RBM20: variants seen among roughly 807,000 people sequenced by gnomAD.
The protein encoded by RBM20 is RNA-binding protein 20.
RBM20 carries 51 observed loss-of-function variants against 110.1 expected under a neutral mutation model. The observed-to-expected ratio is 0.46, with a 90% CI of 0.37 to 0.59. The LOEUF (loss-of-function observed/expected upper bound fraction) is 0.59. Among genes scored for constraint, RBM20 ranks in the 20% least tolerant of loss-of-function variants. The pLI is 0.00. For synonymous variants in RBM20, 589 were observed against 618.2 expected, an observed-to-expected ratio of 0.95 and a Z score of 0.70; for missense variants, 1,512 against 1,574.9, an observed-to-expected ratio of 0.96 and a Z score of 0.68.
intron 1 of RBM20, among the ~76,000 whole-genome samples, chr10:110,728,266 C>A (rs1038919600): frequency 1.3e-5 from 2 of 149,374 alleles, no homozygotes; most frequent in Admixed American, 1.3e-4. Context: ...AGGTCTCCAG[C>A]CTCTCTGGAG....
Position 110,758,014 on chromosome 10 carries a change from C to CTTTTTTTTTTTTTTTTTTTT in RBM20, c.192-22782_192-22763dup, listed in dbSNP as rs760246427. On this transcript the variant is annotated intron_variant, in intron 1 of 13. Coordinates refer to ENST00000369519, the MANE Select transcript of RBM20 (RefSeq NM_001134363.3). ...AGAAAAGACAGGCAAGATCCTTGTTCTTTTTTTTTTTTTTTTTTTTTTTTG... is the reference window on the plus strand; with the variant it reads ...AGAAAAGACAGGCAAGATCCTTGTTCTTTTTTTTTTTTTTTTTTTTTTTTTTTTTTTTTTTTTTTTTTTTG... Among the ~76,000 whole-genome samples, 6 of 79,910 alleles carry CTTTTTTTTTTTTTTTTTTTT rather than the reference C, an allele frequency of 7.5e-5. 1 individual carries two copies. The highest frequency in any genetic ancestry group is 2.1e-4 in the African/African-American group (4 of 19,172). 52.4% of individuals were successfully genotyped at this position (79,910 alleles called of 152,430 possible). A position where few individuals can be genotyped will look rare whatever the true frequency, so the allele number is the denominator to read the frequency against.
chr10:110,810,438 G>A lies in RBM20; in HGVS notation c.1856G>A (p.Arg619Lys). 6.4e-7 allele frequency: 1 copy of A among 1,551,552 alleles called. No homozygotes were observed. The highest frequency in any genetic ancestry group is 8.7e-7 in the Non-Finnish European group (1 of 1,146,892). Residue 619 changes from arginine (R) to lysine (K), a missense_variant, in exon 8 of 14, where the codon AGG becomes AAG. Arg to Lys is a conservative substitution (Grantham distance 26). Coordinates refer to ENST00000369519, the MANE Select transcript of RBM20 (RefSeq NM_001134363.3). ...CAGGACATCCATTCCCAGAGGGAGA[G>A]GGACATGTTCCGGGAAGCAGACAGG... ...IIQDIHSQRERDMFREADRYG... is the reference protein window; with the variant it reads ...IIQDIHSQREKDMFREADRYG...
At chr10:110,729,010 T>A (rs1215581552) in intron 1 of RBM20, among the ~76,000 whole-genome samples, 1 of 152,228 alleles carries the variant, frequency 6.6e-6, no homozygotes, top group Non-Finnish European at 1.5e-5. Context: ...CAGAATCATG[T>A]GAACTGAAGC....
intron 1 of RBM20, among the ~76,000 whole-genome samples, chr10:110,674,894 G>GC (rs1160394608): frequency 6.6e-6 from 1 of 152,204 alleles, no homozygotes; most frequent in Non-Finnish European, 1.5e-5. Context: ...CTGTATTATT[G>GC]CCTATGGAGG....
Position 110,806,253 on chromosome 10 carries a change from G to A in RBM20, c.1801-4130G>A, listed in dbSNP as rs1311610055. On this transcript the variant is annotated intron_variant, in intron 7 of 13. Coordinates refer to ENST00000369519, the MANE Select transcript of RBM20 (RefSeq NM_001134363.3). The stretch of plus-strand genomic sequence containing the variant: ...ACTGCACTCCAGCCTGGGACACAGT[G>A]TGAGACTCCGTCTCAAAAAAAAAAA... Among the ~76,000 whole-genome samples the A allele has an allele frequency of 4.8e-5, 7 of 145,156 alleles. No individual in the cohort carries two copies. In the East Asian group the frequency reaches 1.0e-3, roughly 21 times the overall value.
At chr10:110,761,117 AAAAGAG>A (rs1843995489) in intron 1 of RBM20, 2 of 61,376 alleles carry the variant, frequency 3.3e-5, no homozygotes, top group Non-Finnish European at 7.3e-5. Context: ...AAAAAAAAAG[AAAAGAG>A]AAAAGAAAAG....
chr10:110,731,919 A>G (rs1169604791), intron 1 of RBM20, among the ~76,000 whole-genome samples: 2 of 152,136 alleles, frequency 1.3e-5, no homozygotes, highest in African/African-American at 4.8e-5. Context: ...TTACCCTTGC[A>G]TTTGGCATTA....
At chr10:110,740,140 T>A (rs755000301) in intron 1 of RBM20, among the ~76,000 whole-genome samples, 9 of 152,202 alleles carry the variant, frequency 5.9e-5, no homozygotes, top group Non-Finnish European at 1.0e-4. Flanking sequence ...GGCCCCAGGG[T>A]AGCTCGCCCC....
chr10:110,677,022 A>G (rs1409841071), intron 1 of RBM20, among the ~76,000 whole-genome samples: 1 of 152,248 alleles, frequency 6.6e-6, no homozygotes, highest in East Asian at 1.9e-4. Context: ...TAATTTTTAA[A>G]GAAACCAAAA....
chr10:110,671,695 T>A (rs1281175138), intron 1 of RBM20, among the ~76,000 whole-genome samples: 3 of 151,912 alleles, frequency 2.0e-5, no homozygotes, highest in Admixed American at 6.6e-5. Context: ...AAGATTTTTT[T>A]TAAAAAACTA....
Position 110,770,646 on chromosome 10 carries a change from A to C in RBM20, c.192-10155A>C, listed in dbSNP as rs528266960. Among the ~76,000 whole-genome samples, 65 of 152,396 alleles carry C rather than the reference A, an allele frequency of 4.3e-4. 2 individuals are homozygous for C. The South Asian group carries it at 8.5e-3, about 20-fold the overall frequency. On this transcript the variant is annotated intron_variant, in intron 1 of 13. Transcript: ENST00000369519. ...GGTTAATTGTCAGGCAACTCTAGAAAAAGACCAACAGAATTTTAATTCTTT... is the reference window on the plus strand; with the variant it reads ...GGTTAATTGTCAGGCAACTCTAGAACAAGACCAACAGAATTTTAATTCTTT...
chr10:110,653,265 C>T (rs1383563294), intron 1 of RBM20, among the ~76,000 whole-genome samples: 3 of 152,198 alleles, frequency 2.0e-5, no homozygotes, highest in Non-Finnish European at 2.9e-5. Flanking sequence ...CCCCAATTCC[C>T]ACTCTGCTTC....
rs1466741507 is a variant in RBM20, at chr10:110,818,309, C to CAAAAAAAAA, written c.2551-1759_2551-1758insAAAAAAAAA. On this transcript the variant is annotated intron_variant, in intron 9 of 13. Transcript: ENST00000369519. ...TCCATCTCAAAAAAAAAAAAAAAACCAAAACGACAATATGGTGAGGATGTG... is the reference window on the plus strand; with the variant it reads ...TCCATCTCAAAAAAAAAAAAAAAACCAAAAAAAAAAAAACGACAATATGGTGAGGATGTG... 4.8e-4 allele frequency among the ~76,000 whole-genome samples: 57 copies of CAAAAAAAAA among 119,768 alleles called. 6 individuals are homozygous for CAAAAAAAAA. The highest frequency in any genetic ancestry group is 6.8e-4 in the Non-Finnish European group (39 of 57,436). The allele number at this position is 119,768 out of a possible 152,430, so 78.6% of individuals were successfully genotyped here.
At chr10:110,756,728 C>T (rs1338426502) in intron 1 of RBM20, 1 of 152,202 alleles carries the variant, frequency 6.6e-6, no homozygotes, top group Non-Finnish European at 1.5e-5. Context: ...CTGGCTGTCA[C>T]CAGGTCTTAT....
intron 1 of RBM20, among the ~76,000 whole-genome samples, chr10:110,696,070 T>C (rs12413726): frequency 0.19 from 29,376 of 152,132 alleles, 3,045 homozygotes; most frequent in East Asian, 0.34. Context: ...TCAGTCTCCT[T>C]AGTGGGCCCA....
At position 110,724,415 on chromosome 10, in the gene RBM20, G is replaced by T. The variant is rs143531830; in HGVS notation, c.192-56386G>T. ...AATTGTGACTTCTTTGTTGAGAGAG[G>T]AAGTCTGAAGATGTTTCCTGGGGCC... On this transcript the variant is annotated intron_variant, in intron 1 of 13. Coordinates refer to ENST00000369519, the MANE Select transcript of RBM20 (RefSeq NM_001134363.3). 8.5e-5 allele frequency among the ~76,000 whole-genome samples: 13 copies of T among 152,318 alleles called. No individual in the cohort carries two copies. In the East Asian group the frequency reaches 2.3e-3, roughly 27 times the overall value.
intron 9 of RBM20, among the ~76,000 whole-genome samples, chr10:110,815,743 A>G (rs1844829647): frequency 6.6e-6 from 1 of 152,206 alleles, no homozygotes; most frequent in South Asian, 2.1e-4. Flanking sequence ...AACATTGCTC[A>G]TTTAAGGTGA....
In RBM20 at chr10:110,644,567, C is replaced by T. The variant is rs1335624183; in HGVS notation, c.113C>T (p.Pro38Leu). ...GARASPAPSG[P>L]RGMQQPPPPP... is the part of the protein sequence containing the mutation. ...CGGGCGTCCCCGGCACCCTCCGGCC[C>T]GCGAGGGATGCAGCAGCCGCCGCCG... The change falls in exon 1 of 14, where the codon CCG becomes CTG. Residue 38 changes from proline to leucine, a missense_variant. Pro to Leu is a moderately conservative substitution (Grantham distance 98, BLOSUM62 -3). Around this residue, in one of 3 missense-constraint regions of RBM20, gnomAD observed 1,149 missense variants for 1,169.4 expected, o/e 0.98. Coordinates refer to ENST00000369519, the MANE Select transcript of RBM20 (RefSeq NM_001134363.3). This position sits in a 1 kb window ranked among gnomAD's most constrained non-coding sequence, Gnocchi z 4.3. The T allele has an allele frequency of 6.6e-7, 1 of 1,526,562 alleles. No individual in the cohort carries two copies. The highest frequency in any genetic ancestry group is 8.8e-7 in the Non-Finnish European group (1 of 1,140,442). The allele number at this position is 1,526,562 out of a possible 1,614,324, so 94.6% of individuals were successfully genotyped here.
chr10:110,784,161 T>C (rs1844390085), intron 3 of RBM20, among the ~76,000 whole-genome samples, 180 bp from the exon 4 acceptor site: 1 of 152,272 alleles, frequency 6.6e-6, no homozygotes, highest in Non-Finnish European at 1.5e-5. Context: ...GACATTTGGA[T>C]TGTTTCCACC....
Sources: allele counts gnomAD v4.1 joint callset (sites outside exome capture counted in the v4.1 genomes callset), GRCh38; gene constraint gnomAD v4.1.1; regional missense constraint gnomAD v4.1.1; non-coding constraint Gnocchi (gnomAD v3.1); transcripts MANE v1.5; gene names NCBI Gene and HGNC (gene_info 2026-07-23, HGNC 2026-07-21).